DMD: variants seen among roughly 807,000 people sequenced by gnomAD.
The protein encoded by DMD is mutant dystrophin.
A neutral mutation model predicts 330.1 loss-of-function variants in DMD; 63 were observed. The observed-to-expected ratio is 0.19, with a 90% confidence interval of 0.16 to 0.24. DMD has a LOEUF of 0.24. Ranked by LOEUF, DMD falls within the 10% of genes least tolerant of loss-of-function variation. The pLI is 1.00. For synonymous variants in DMD, 1,223 were observed against 959.8 expected, an observed-to-expected ratio of 1.27 and a Z score of -5.07; for missense variants, 3,344 against 2,684.1, an observed-to-expected ratio of 1.25 and a Z score of -5.43.
chrX:32,035,895 T>C (rs2095940864), intron 44 of DMD, among the ~76,000 whole-genome samples: 1 of 111,730 alleles, frequency 9.0e-6, no homozygotes, highest in African/African-American at 3.3e-5. Flanking sequence ...TACAGACCTT[T>C]TTCCTTGCGT....
intron 12 of DMD, among the ~76,000 whole-genome samples, chrX:32,612,956 T>C (rs1405073983): frequency 9.0e-6 from 1 of 111,387 alleles, no homozygotes; most frequent in Admixed American, 9.6e-5. Context: ...ATCTTTCATT[T>C]GCATGGAAGA....
intron 7 of DMD, among the ~76,000 whole-genome samples, chrX:32,704,380 C>T (rs2064413842): frequency 1.0e-5 from 1 of 96,666 alleles, no homozygotes; most frequent in South Asian, 3.7e-4. Context: ...CAAAACTAAT[C>T]TTGGGCAGTC....
In DMD at chrX:31,981,582, A is replaced by G. The variant is rs181854017; in HGVS notation, c.6439-13068T>C. Among the ~76,000 whole-genome samples the G allele has an allele frequency of 2.7e-5, 3 of 111,425 alleles. No homozygotes were observed. The Admixed American group carries it at 2.9e-4, about 11-fold the overall frequency. On this transcript the variant is annotated intron_variant, in intron 44 of 78. Coordinates refer to ENST00000357033, the MANE Select transcript of DMD (RefSeq NM_004006.3). ...CAACATTCAGGGCCTTTTTACTTCC[A>G]TTTGGAGGAAGAAGAACCAGAAAGA...
chrX:31,498,728 G>A (rs1157556058), intron 56 of DMD, among the ~76,000 whole-genome samples: 1 of 111,516 alleles, frequency 9.0e-6, no homozygotes, highest in African/African-American at 3.3e-5. Flanking sequence ...TATAATTGCA[G>A]TATAAACAAT....
At chrX:31,436,174 G>C (rs2064514424) in intron 60 of DMD, among the ~76,000 whole-genome samples, 1 of 111,375 alleles carries the variant, frequency 9.0e-6, no homozygotes, top group Admixed American at 9.5e-5. Flanking sequence ...ACACTTACAT[G>C]GATTACCATA....
chrX:33,023,333 C>T (rs768375288), intron 1 of DMD, among the ~76,000 whole-genome samples: 2 of 111,270 alleles, frequency 1.8e-5, no homozygotes, highest in South Asian at 3.7e-4. Context: ...TAATTGTCTT[C>T]GAAAAAATTA....
chrX:32,762,302 C>A (rs2072427672), intron 7 of DMD, among the ~76,000 whole-genome samples: 1 of 110,912 alleles, frequency 9.0e-6, no homozygotes, highest in African/African-American at 3.3e-5. Flanking sequence ...AATAAGATGG[C>A]ATACTTCTGT....
chrX:31,862,083 G>T (rs1603503108), intron 48 of DMD, among the ~76,000 whole-genome samples: 1 of 110,005 alleles, frequency 9.1e-6, no homozygotes, highest in East Asian at 2.8e-4. Flanking sequence ...GGATTTCAAT[G>T]CTTTTGAATT....
chrX:31,421,908 C>CATATATATATATATATATATATAT (rs1178326989), intron 60 of DMD, among the ~76,000 whole-genome samples: 4 of 62,555 alleles, frequency 6.4e-5, no homozygotes, highest in African/African-American at 4.9e-4. Flanking sequence ...TATACACACA[C>CATATATATATATATATATATATAT]ACACACATAT....
intron 60 of DMD, among the ~76,000 whole-genome samples, chrX:31,443,309 A>G (rs1282510599): frequency 9.0e-6 from 1 of 111,260 alleles, no homozygotes. Flanking sequence ...TGTTACAGTA[A>G]CCATGTTAGA....
chrX:32,555,151 G>A (rs761264600), intron 16 of DMD, among the ~76,000 whole-genome samples: 1 of 110,814 alleles, frequency 9.0e-6, no homozygotes, highest in Admixed American at 9.6e-5. Context: ...TTTAACACAT[G>A]CAAATCAATA....
intron 29 of DMD, among the ~76,000 whole-genome samples, chrX:32,430,863 A>ATGT (rs2098235370): frequency 9.0e-6 from 1 of 111,670 alleles, no homozygotes; most frequent in South Asian, 3.7e-4. Context: ...AGGTTTATCC[A>ATGT]TGTTGTTACA....
chrX:33,200,453 T>C, intron 1 of DMD, among the ~76,000 whole-genome samples: 1 of 111,525 alleles, frequency 9.0e-6, no homozygotes, highest in Admixed American at 9.6e-5. Flanking sequence ...AGAGAAGATC[T>C]ATGCACACTA....
chrX:31,638,922 A>G, intron 54 of DMD, among the ~76,000 whole-genome samples: 1 of 111,952 alleles, frequency 8.9e-6, no homozygotes, highest in South Asian at 3.7e-4. Context: ...AGAATAGATG[A>G]GTGTTATCAC....
chrX:31,316,626 A>C (rs1323191672), intron 62 of DMD, among the ~76,000 whole-genome samples: 1 of 112,043 alleles, frequency 8.9e-6, no homozygotes, highest in Non-Finnish European at 1.9e-5. Flanking sequence ...CTTTCAGTTA[A>C]TATCTTAACC....
At chrX:32,779,365 T>A (rs1439822464) in intron 7 of DMD, among the ~76,000 whole-genome samples, 1 of 110,908 alleles carries the variant, frequency 9.0e-6, no homozygotes, top group Non-Finnish European at 1.9e-5. Context: ...CTGTTCCTAT[T>A]TTTTGATAGC....
intron 17 of DMD, among the ~76,000 whole-genome samples, chrX:32,543,343 T>C (rs1242543859): frequency 1.8e-5 from 2 of 110,540 alleles, no homozygotes; most frequent in South Asian, 3.8e-4. Context: ...TTTTTTTTTT[T>C]CCAACACAAT....
Position 31,901,288 on chromosome X carries a change from T to A in DMD, c.6913-25915A>T, listed in dbSNP as rs141107894. Among the ~76,000 whole-genome samples, 914 of 111,694 alleles carry A rather than the reference T, an allele frequency of 8.2e-3. 6 individuals are homozygous for A. The highest frequency in any genetic ancestry group is 0.041 in the South Asian group (110 of 2,679). On this transcript the variant is annotated intron_variant, in intron 47 of 78. Transcript: ENST00000357033. ...CTTGCCCAAACATACCTTTTCAATG[T>A]CAAACACAATCACCTTGCTCTATTC...
chrX:32,081,318 C>T (rs776936139), intron 44 of DMD, among the ~76,000 whole-genome samples: 2 of 112,091 alleles, frequency 1.8e-5, no homozygotes, highest in Non-Finnish European at 3.8e-5. Flanking sequence ...TGGTATCATA[C>T]TGTGGGACAA....
Sources: gnomAD v4.1 joint callset for allele counts (sites outside exome capture counted in the v4.1 genomes callset) on GRCh38, gnomAD v4.1.1 for gene constraint, MANE v1.5 for transcripts, NCBI Gene and HGNC (gene_info 2026-07-23, HGNC 2026-07-21) for gene names.